The following BLVRB variants were observed in gnomAD, a reference collection of about 807,000 sequenced individuals.
BLVRB encodes biliverdin reductase B.
Under a neutral mutation model 21.1 loss-of-function variants are expected in BLVRB, and 25 were observed. The ratio of observed to expected loss-of-function variants is 1.19; its 90% CI spans 0.86 to 1.66. The LOEUF is 1.66. Ranked by LOEUF, BLVRB falls within the 40% of genes most tolerant of loss-of-function variation. The pLI is 0.00. For missense variants in BLVRB, 274 were observed against 282.7 expected (o/e 0.97, Z 0.22); for synonymous variants, 128 against 122.2 (o/e 1.05, Z -0.31).
intron 1 of BLVRB, among the ~76,000 whole-genome samples, chr19:40,461,717 G>T (rs1294244232): frequency 6.6e-6 from 1 of 152,066 alleles, no homozygotes; most frequent in Non-Finnish European, 1.5e-5. Context: ...AGCCAGGCTG[G>T]TCTCGAACTC....
chr19:40,460,225 T>C (rs2079780457), intron 1 of BLVRB, among the ~76,000 whole-genome samples: 1 of 142,284 alleles, frequency 7.0e-6, no homozygotes, highest in African/African-American at 2.7e-5. Flanking sequence ...GATGTTAACA[T>C]TTGGGTATAC....
chr19:40,447,824 T>C lies in BLVRB; in HGVS notation c.*65A>G. The C allele has an allele frequency of 6.4e-7, 1 of 1,556,550 alleles. No homozygotes were observed. Among genetic ancestry groups the C allele is most frequent in the Non-Finnish European group, 8.8e-7 (1 of 1,137,192 alleles). On this transcript the variant is annotated 3_prime_UTR_variant, in exon 5 of 5. Transcript: ENST00000263368. ...GTAATTTGAAGCTCTTGGCTCAACA[T>C]TTATTGCCCCCTTCCTTTGCTCCTC... is the stretch of plus-strand genomic sequence containing the variant.
Position 40,458,530 on chromosome 19 carries a change from A to T in BLVRB, c.95T>A (p.Val32Glu). Residue 32 changes from valine (V) to glutamate (E), a missense_variant, in exon 2 of 5, where the codon GTG (valine) becomes GAG (glutamate). By Grantham distance (121) the Val-to-Glu change is moderately radical. Transcript: ENST00000263368. Reference protein sequence around the residue: ...QAVQAGYEVTVLVRDSSRLPS... With the variant: ...QAVQAGYEVTELVRDSSRLPS... ...CAGCCTGGAGGAGTCCCGCACCAGC[A>T]CTGTCACTTCGTAACCTGTGGGCAA... 1 of 1,609,426 alleles carries T rather than the reference A, an allele frequency of 6.2e-7. No individual in the cohort carries two copies. Among genetic ancestry groups the T allele is most frequent in the Non-Finnish European group, 8.5e-7 (1 of 1,177,886 alleles).
chr19:40,462,892 C>CAAAAAAAA, intron 1 of BLVRB, among the ~76,000 whole-genome samples: 1 of 49,866 alleles, frequency 2.0e-5, no homozygotes. Flanking sequence ...ACTCTTGTCT[C>CAAAAAAAA]AAAAAAAAAA....
Position 40,459,470 on chromosome 19 carries a change from C to T in BLVRB, c.80-925G>A, listed in dbSNP as rs138624659. ...TTATTATTATTATTATTTTTTGAGA[C>T]GGAATCTCACTCTGTAACCCAGGCT... On this transcript the variant is annotated intron_variant, in intron 1 of 4. Transcript: ENST00000263368. 3.7e-3 allele frequency among the ~76,000 whole-genome samples: 556 copies of T among 149,370 alleles called. 2 individuals carry two copies. The highest frequency in any genetic ancestry group is 5.9e-3 in the Non-Finnish European group (399 of 67,566).
At chr19:40,458,358 T>C in intron 2 of BLVRB, 23 bp downstream of exon 2, 1 of 1,536,632 alleles carries the variant, frequency 6.5e-7, no homozygotes, top group Non-Finnish European at 8.8e-7. Context: ...GGGAGGGCCG[T>C]GGGCAGAGGG....
intron 3 of BLVRB, among the ~76,000 whole-genome samples, chr19:40,456,925 A>G (rs1334871564): frequency 3.3e-5 from 5 of 152,058 alleles, no homozygotes; most frequent in Admixed American, 2.6e-4. Context: ...CATCTCAAAG[A>G]AAAAAAGACA....
chr19:40,458,371 G>A lies in BLVRB; in HGVS notation c.244+10C>T, dbSNP rs45558132. Reference sequence around the variant, plus strand: ...AGGGGAGGGCCGTGGGCAGAGGGGGGGCTCAGTACTGAGGTCATTGCGGGT... The same window carrying A: ...AGGGGAGGGCCGTGGGCAGAGGGGGAGCTCAGTACTGAGGTCATTGCGGGT... On this transcript the variant is annotated intron_variant, in intron 2 of 4. Coordinates refer to ENST00000263368, the MANE Select transcript of BLVRB (RefSeq NM_000713.3). The A allele has an allele frequency of 6.4e-7, 1 of 1,566,836 alleles. No homozygotes were observed.
rs746002639 is a variant in BLVRB at position 40,447,876 on chromosome 19, T to C, written c.*13A>G. 2 of 1,606,234 alleles carry C rather than the reference T, an allele frequency of 1.2e-6. No individual in the cohort carries two copies. The highest frequency in any genetic ancestry group is 1.7e-6 in the Non-Finnish European group (2 of 1,173,736). ...TGTCCCAGAATGCCACCCTCCCAGA[T>C]GGGGACAGAGTGCTACTGGTACTGG... On this transcript the variant is annotated 3_prime_UTR_variant, in exon 5 of 5. Coordinates refer to ENST00000263368, the MANE Select transcript of BLVRB (RefSeq NM_000713.3).
In BLVRB at chr19:40,465,744, C is replaced by T; in HGVS notation, c.-56G>A. On this transcript the variant is annotated 5_prime_UTR_variant, in exon 1 of 5. The change creates a new upstream start codon in the 5' untranslated region. Coordinates refer to ENST00000263368, the MANE Select transcript of BLVRB (RefSeq NM_000713.3). ...GAGTCTCGGCACGCGCGGGAACCCACTGGCTGCTGGGCGGTGCTCTCTGCC... is the reference window on the plus strand; with the variant it reads ...GAGTCTCGGCACGCGCGGGAACCCATTGGCTGCTGGGCGGTGCTCTCTGCC... 1.3e-6 allele frequency: 2 copies of T among 1,572,122 alleles called. No individual in the cohort carries two copies. Among genetic ancestry groups the T allele is most frequent in the Non-Finnish European group, 1.7e-6 (2 of 1,150,400 alleles).
chr19:40,448,096 C>T, intron 4 of BLVRB, 50 bp from the exon 5 acceptor site: 1 of 1,570,388 alleles, frequency 6.4e-7, no homozygotes, highest in Non-Finnish European at 8.7e-7. Flanking sequence ...CCTTTCCCTT[C>T]CCCCAAAATT....
At chr19:40,465,589 C>T in intron 1 of BLVRB, 21 bp downstream of exon 1, 2 of 1,603,772 alleles carry the variant, frequency 1.2e-6, no homozygotes, top group Non-Finnish European at 8.5e-7. Flanking sequence ...CGTGACATGC[C>T]CCGCCCGCCC....
intron 3 of BLVRB, among the ~76,000 whole-genome samples, chr19:40,452,688 AAC>A (rs1462166944): frequency 1.3e-5 from 2 of 152,008 alleles, no homozygotes; most frequent in Non-Finnish European, 2.9e-5. Flanking sequence ...AACATGGTGA[AAC>A]CCCATCTCTA....
chr19:40,458,874 G>T (rs2079774505), intron 1 of BLVRB, among the ~76,000 whole-genome samples: 1 of 151,666 alleles, frequency 6.6e-6, no homozygotes, highest in African/African-American at 2.4e-5. Context: ...GCAATCTTTT[G>T]TAGAGAAGGG....
In BLVRB at chr19:40,447,929, T is replaced by C; in HGVS notation, c.581A>G (p.Tyr194Cys). 1 of 1,614,124 alleles carries C rather than the reference T, an allele frequency of 6.2e-7. No homozygotes were observed. The highest frequency in any genetic ancestry group is 1.3e-5 in the African/African-American group (1 of 75,018). ...GGAGGGGTAGGTGCTGTGTCCGTCG[T>C]ACTCATCGGTGGTGAGGCAGCGCAG... ...FMLRCLTTDE[Y>C]DGHSTYPSHQ... Residue 194 changes from tyrosine to cysteine, a missense_variant, in exon 5 of 5, where the codon TAC becomes TGC. By Grantham distance (194) the Tyr-to-Cys change is radical. Coordinates refer to ENST00000263368, the MANE Select transcript of BLVRB (RefSeq NM_000713.3).
At position 40,465,394 on chromosome 19, in the gene BLVRB, C is replaced by T. The variant is rs2079807504; in HGVS notation, c.79+216G>A. Among the ~76,000 whole-genome samples the T allele has an allele frequency of 2.6e-5, 4 of 152,240 alleles. No homozygotes were observed. The South Asian group carries it at 8.3e-4, about 32-fold the overall frequency. ...GCCAGTGGAGTCCTCCCGGGGCTCC[C>T]GGGGCCAATTCCTCTCTGGCTTGGA... On this transcript the variant is annotated intron_variant, in intron 1 of 4. Coordinates refer to ENST00000263368, the MANE Select transcript of BLVRB (RefSeq NM_000713.3).
chr19:40,448,436 CA>C (rs1301619725), intron 4 of BLVRB, among the ~76,000 whole-genome samples: 1 of 151,480 alleles, frequency 6.6e-6, no homozygotes, highest in Non-Finnish European at 1.5e-5. Flanking sequence ...ACTAAAAATA[CA>C]AAAATCAGCC....
intron 4 of BLVRB, 34 bp downstream of exon 4, chr19:40,451,330 G>A: frequency 6.3e-7 from 1 of 1,583,722 alleles, no homozygotes; most frequent in Non-Finnish European, 8.6e-7. Context: ...ACAGGCAGAT[G>A]GCATTGGTGC....
intron 1 of BLVRB, among the ~76,000 whole-genome samples, chr19:40,459,041 A>T (rs1200611256): frequency 1.3e-5 from 2 of 151,710 alleles, no homozygotes; most frequent in African/African-American, 4.8e-5. Context: ...AAAATAGACC[A>T]TACCTTGGCC....
Sources: allele counts gnomAD v4.1 joint callset (sites outside exome capture counted in the v4.1 genomes callset), GRCh38; gene constraint gnomAD v4.1.1; transcripts MANE v1.5; gene names NCBI Gene and HGNC (gene_info 2026-07-23, HGNC 2026-07-21).